Variants in ZRANB3 observed in about 807,000 individuals in gnomAD.
ZRANB3 encodes DNA annealing helicase and endonuclease ZRANB3.
Under a neutral mutation model 133.8 loss-of-function variants are expected in ZRANB3, and 125 were observed. The observed-to-expected ratio is 0.93, with a 90% CI of 0.81 to 1.08. ZRANB3 has a LOEUF of 1.08. ZRANB3 is among the 50% of genes least tolerant of loss of function. The pLI is 0.00. For synonymous variants in ZRANB3, 387 were observed against 432.7 expected (o/e 0.89, Z 1.31); for missense variants, 1,229 against 1,275.5 (o/e 0.96, Z 0.56).
intron 2 of ZRANB3, among the ~76,000 whole-genome samples, chr2:135,493,325 T>C (rs1316934518): frequency 1.3e-5 from 2 of 150,582 alleles, no homozygotes; most frequent in African/African-American, 4.9e-5. Context: ...AAATTTTCTG[T>C]TCATTAGAAT....
Position 135,197,346 on chromosome 2 carries a change from C to G in ZRANB3, c.*2996G>C, listed in dbSNP as rs954178808. 2 of 152,180 alleles carry G rather than the reference C, an allele frequency of 1.3e-5. No individual in the cohort carries two copies. The highest frequency in any genetic ancestry group is 1.3e-4 in the Admixed American group (2 of 15,278). 9.4% of individuals were successfully genotyped at this position (152,180 alleles called of 1,614,324 possible). Reference sequence around the variant, plus strand: ...GTCTGTCATATAATTTAAAATGCCTCATACTTTTATTTCTAAAGAAACTAC... The same window carrying G: ...GTCTGTCATATAATTTAAAATGCCTGATACTTTTATTTCTAAAGAAACTAC... On this transcript the variant is annotated 3_prime_UTR_variant, in exon 21 of 21. Transcript: ENST00000264159.
chr2:135,244,619 A>ATAAAT (rs1194811275), intron 12 of ZRANB3, among the ~76,000 whole-genome samples: 12 of 151,762 alleles, frequency 7.9e-5, no homozygotes, highest in African/African-American at 2.7e-4. Context: ...AAATAAATAA[A>ATAAAT]TAAATAAATA....
At chr2:135,340,411 T>A (rs1684597051) in intron 6 of ZRANB3, among the ~76,000 whole-genome samples, 1 of 152,174 alleles carries the variant, frequency 6.6e-6, no homozygotes, top group Non-Finnish European at 1.5e-5. Context: ...CAACCCCCTT[T>A]TTTTAATACT....
At chr2:135,292,447 G>GT (rs1424287853) in intron 8 of ZRANB3, among the ~76,000 whole-genome samples, 1 of 152,022 alleles carries the variant, frequency 6.6e-6, no homozygotes, top group Admixed American at 6.6e-5. Flanking sequence ...GGGGTTGTTT[G>GT]TTTTTTCTTG....
intron 12 of ZRANB3, among the ~76,000 whole-genome samples, chr2:135,251,606 G>C (rs569353706): frequency 6.6e-6 from 1 of 152,266 alleles, no homozygotes; most frequent in African/African-American, 2.4e-5. Context: ...AGTCTCATGA[G>C]ACCCGATGGT....
chr2:135,372,711 C>T (rs180926514), intron 3 of ZRANB3, among the ~76,000 whole-genome samples: 60 of 148,722 alleles, frequency 4.0e-4, no homozygotes, highest in East Asian at 2.7e-3. Context: ...GGTGTGAACC[C>T]GGGAGGCGGA....
intron 19 of ZRANB3, among the ~76,000 whole-genome samples, chr2:135,203,627 A>AG (rs1469363697): frequency 6.6e-6 from 1 of 151,820 alleles, no homozygotes; most frequent in East Asian, 1.9e-4. Context: ...AAAAAAAAAA[A>AG]AAAAAAGAAA....
In ZRANB3 at chr2:135,291,726, C is replaced by T. The variant is rs1000504062; in HGVS notation, c.967-15971G>A. 2.0e-5 allele frequency among the ~76,000 whole-genome samples: 3 copies of T among 152,048 alleles called. No homozygotes were observed. In the South Asian group the frequency reaches 6.2e-4, roughly 32 times the overall value. On this transcript the variant is annotated intron_variant, in intron 8 of 20. Coordinates refer to ENST00000264159, the MANE Select transcript of ZRANB3 (RefSeq NM_032143.4). Reference sequence around the variant, plus strand: ...CGTCATTTAACATTAGGTGTATCTCCTAATGCTATCCCTCCCCCCTTCCCC... The same window carrying T: ...CGTCATTTAACATTAGGTGTATCTCTTAATGCTATCCCTCCCCCCTTCCCC...
At chr2:135,477,321 CA>C (rs1413634860) in intron 2 of ZRANB3, among the ~76,000 whole-genome samples, 10 of 152,178 alleles carry the variant, frequency 6.6e-5, no homozygotes, top group Non-Finnish European at 1.0e-4. Flanking sequence ...TGGAGTTTTC[CA>C]AAGTCTTAGT....
chr2:135,251,423 C>T (rs1023941396), intron 12 of ZRANB3, among the ~76,000 whole-genome samples: 2 of 152,126 alleles, frequency 1.3e-5, no homozygotes, highest in African/African-American at 2.4e-5. Context: ...AATGTAAGGA[C>T]ATGAGATTTG....
At chr2:135,327,222 G>A (rs1232082447) in intron 6 of ZRANB3, among the ~76,000 whole-genome samples, 2 of 152,134 alleles carry the variant, frequency 1.3e-5, no homozygotes, top group African/African-American at 4.8e-5. Context: ...ATCCAACAGA[G>A]CAGAATGGCC....
intron 6 of ZRANB3, among the ~76,000 whole-genome samples, chr2:135,344,845 T>A (rs988723754): frequency 6.6e-6 from 1 of 152,178 alleles, no homozygotes. Context: ...AACTGCAGAA[T>A]AATGCACAAA....
intron 5 of ZRANB3, among the ~76,000 whole-genome samples, chr2:135,347,321 C>G (rs1684983665): frequency 7.3e-6 from 1 of 136,128 alleles, no homozygotes; most frequent in Admixed American, 8.1e-5. Context: ...GAGACGGAGT[C>G]TCGCTCTGTC....
chr2:135,430,400 C>T (rs1040280200), intron 2 of ZRANB3, among the ~76,000 whole-genome samples: 4 of 151,298 alleles, frequency 2.6e-5, no homozygotes, highest in Admixed American at 1.3e-4. Flanking sequence ...ATAAATACTG[C>T]TTGACTTTCT....
intron 14 of ZRANB3, among the ~76,000 whole-genome samples, chr2:135,225,726 T>A (rs1694733363): frequency 6.6e-6 from 1 of 152,222 alleles, no homozygotes; most frequent in Non-Finnish European, 1.5e-5. Flanking sequence ...TGAAAAGTTA[T>A]CATGTATACC....
At position 135,199,593 on chromosome 2, in the gene ZRANB3, C is replaced by G. The variant is rs558717301; in HGVS notation, c.*749G>C. On this transcript the variant is annotated 3_prime_UTR_variant, in exon 21 of 21. Coordinates refer to ENST00000264159, the MANE Select transcript of ZRANB3 (RefSeq NM_032143.4). ...GGGATTACATGCGTGAGCCACCGCG[C>G]CCAGCCAACAGTAAGCCTAGTTTTA... 6 of 152,260 alleles carry G rather than the reference C, an allele frequency of 3.9e-5. No homozygotes were observed. The East Asian group carries it at 1.2e-3, about 29-fold the overall frequency. 9.4% of individuals were successfully genotyped at this position (152,260 alleles called of 1,614,324 possible). A position where few individuals can be genotyped will look rare whatever the true frequency, so the allele number is the denominator to read the frequency against.
intron 3 of ZRANB3, among the ~76,000 whole-genome samples, chr2:135,379,680 C>G (rs1265519154): frequency 1.3e-5 from 2 of 152,140 alleles, no homozygotes; most frequent in Non-Finnish European, 2.9e-5. Context: ...TGGAAAGAAT[C>G]AACCGGTACC....
Position 135,206,049 on chromosome 2 carries a change from C to T in ZRANB3, c.3009+1385G>A, listed in dbSNP as rs112488327. Among the ~76,000 whole-genome samples, 452 of 152,210 alleles carry T rather than the reference C, an allele frequency of 3.0e-3. 3 individuals are homozygous for T. Among genetic ancestry groups the T allele is most frequent in the African/African-American group, 0.01 (422 of 41,498 alleles). On this transcript the variant is annotated intron_variant, in intron 19 of 20. Transcript: ENST00000264159. ...TGGGGGAACAGAAGAACATGTCAAA[C>T]AATACCTTGCAGATACAGGAAGACA...
chr2:135,323,377 T>C (rs1371085498), intron 6 of ZRANB3, among the ~76,000 whole-genome samples: 2 of 152,166 alleles, frequency 1.3e-5, no homozygotes, highest in African/African-American at 4.8e-5. Flanking sequence ...AATCTAATTG[T>C]TAACATAACA....
Sources: allele counts gnomAD v4.1 joint callset (sites outside exome capture counted in the v4.1 genomes callset), GRCh38; gene constraint gnomAD v4.1.1; transcripts MANE v1.5; gene names NCBI Gene and HGNC (gene_info 2026-07-23, HGNC 2026-07-21).